Variants in OSBPL3 observed in about 807,000 individuals in gnomAD.
OSBPL3 encodes oxysterol-binding protein-related protein 3.
In OSBPL3, 65 loss-of-function variants were observed where a neutral mutation model predicts 120.1. The ratio of observed to expected loss-of-function variants is 0.54; its 90% CI spans 0.44 to 0.67. OSBPL3 has a LOEUF of 0.67. Among genes scored for constraint, OSBPL3 ranks in the 30% least tolerant of loss-of-function variants. The pLI, the probability that OSBPL3 is intolerant of heterozygous loss-of-function variation, is 0.00. For synonymous variants in OSBPL3, 416 were observed against 402.6 expected (o/e 1.03, Z -0.40); for missense variants, 1,004 against 1,082.1 (o/e 0.93, Z 1.01).
At chr7:24,945,599 G>A (rs535326268) in intron 1 of OSBPL3, among the ~76,000 whole-genome samples, 1 of 152,170 alleles carries the variant, frequency 6.6e-6, no homozygotes, top group East Asian at 1.9e-4. Flanking sequence ...GTTGAAAGTG[G>A]CACACTCTGA....
Position 24,802,411 on chromosome 7 carries a change from C to T in OSBPL3, c.2567+1904G>A, listed in dbSNP as rs963820402. Among the ~76,000 whole-genome samples, 13 of 152,178 alleles carry T rather than the reference C, an allele frequency of 8.5e-5. No individual in the cohort carries two copies. The highest frequency in any genetic ancestry group is 1.6e-4 in the Non-Finnish European group (11 of 68,030). ...CTTTCTCCAATTGAAAAAAATTTTC[C>T]CATCTAATACTATGATCATTTTACA... is the stretch of plus-strand genomic sequence containing the variant. On this transcript the variant is annotated intron_variant, in intron 22 of 22. Transcript: ENST00000313367. This position sits in a 1 kb window ranked among gnomAD's most constrained non-coding sequence, Gnocchi z 4.1.
At position 24,833,559 on chromosome 7, in the gene OSBPL3, C is replaced by T. The variant is rs537374814; in HGVS notation, c.1746+927G>A. Among the ~76,000 whole-genome samples the T allele has an allele frequency of 3.9e-5, 6 of 152,242 alleles. No individual in the cohort carries two copies. The South Asian group carries it at 1.0e-3, about 26-fold the overall frequency. On this transcript the variant is annotated intron_variant, in intron 15 of 22. Transcript: ENST00000313367. The surrounding 1 kb of genome is among the most constrained non-coding windows in gnomAD (Gnocchi z 4.4). ...AGCATCCTCTATCAATGGGGAGTGTCGGCAGGGCTAGGTCTGTGAAGCCGA... is the reference window on the plus strand; with the variant it reads ...AGCATCCTCTATCAATGGGGAGTGTTGGCAGGGCTAGGTCTGTGAAGCCGA...
chr7:24,859,039 T>C (rs1347283727), intron 10 of OSBPL3, among the ~76,000 whole-genome samples: 1 of 152,234 alleles, frequency 6.6e-6, no homozygotes, highest in Non-Finnish European at 1.5e-5. Context: ...AGGTAACTCT[T>C]GCCATTTCAC....
chr7:24,945,214 C>T (rs1406930682), intron 1 of OSBPL3, among the ~76,000 whole-genome samples: 1 of 152,134 alleles, frequency 6.6e-6, no homozygotes, highest in Non-Finnish European at 1.5e-5. Context: ...TCAATCAACC[C>T]TTCTTTTTTC....
intron 7 of OSBPL3, among the ~76,000 whole-genome samples, chr7:24,864,869 C>T (rs1477371014): frequency 6.6e-6 from 1 of 152,082 alleles, no homozygotes; most frequent in Non-Finnish European, 1.5e-5. Context: ...TACCTCAGAC[C>T]AATTTAAAGA....
chr7:24,842,148 T>C (rs1006345835), intron 13 of OSBPL3, 131 bp downstream of exon 13: 58 of 913,426 alleles, frequency 6.3e-5, no homozygotes, highest in Non-Finnish European at 1.2e-5. Context: ...ATGGGAGAAC[T>C]CTCAGAACAT....
In OSBPL3 at chr7:24,883,333, C is replaced by A. The variant is rs1804002311; in HGVS notation, c.96+9044G>T. Among the ~76,000 whole-genome samples the A allele has an allele frequency of 6.6e-6, 1 of 152,218 alleles. No individual in the cohort carries two copies. Among genetic ancestry groups the A allele is most frequent in the South Asian group, 2.1e-4 (1 of 4,826 alleles). On this transcript the variant is annotated intron_variant, in intron 2 of 22. Transcript: ENST00000313367. This position sits in a 1 kb window ranked among gnomAD's most constrained non-coding sequence, Gnocchi z 5.4. ...TTGTGCCTCTGTCCTACTTCTTGCA[C>A]TGTCACTTCTGGACCTTTAGTATTT...
rs1798913936 is a variant in OSBPL3 at position 24,849,806 on chromosome 7, T to C, written c.1159-630A>G. On this transcript the variant is annotated intron_variant, in intron 11 of 22. Coordinates refer to ENST00000313367, the MANE Select transcript of OSBPL3 (RefSeq NM_015550.4). This position sits in a 1 kb window ranked among gnomAD's most constrained non-coding sequence, Gnocchi z 5.4. The stretch of plus-strand genomic sequence containing the variant: ...CCATCTCTACCAAAAAATGCAAAAA[T>C]TAGTTGGGCATGGTGGCACACACCT... Among the ~76,000 whole-genome samples, 1 of 151,600 alleles carries C rather than the reference T, an allele frequency of 6.6e-6. No homozygotes were observed. Among genetic ancestry groups the C allele is most frequent in the Admixed American group, 6.6e-5 (1 of 15,216 alleles).
At chr7:24,909,783 C>CTTTTTTTTTTTTTTTTTTT (rs10591188) in intron 1 of OSBPL3, among the ~76,000 whole-genome samples, 12 of 77,274 alleles carry the variant, frequency 1.6e-4, no homozygotes, top group African/African-American at 2.7e-4. Context: ...TTTTTTCTTT[C>CTTTTTTTTTTTTTTTTTTT]TTTTTTTTTT....
chr7:24,866,028 C>G lies in OSBPL3; in HGVS notation c.549+42G>C, dbSNP rs753607238. ...CAAGACAGGACTCCATGAAACAAAGCCACCCCGTTCTCAGATTCATTATTG... is the reference window on the plus strand; with the variant it reads ...CAAGACAGGACTCCATGAAACAAAGGCACCCCGTTCTCAGATTCATTATTG... On this transcript the variant is annotated intron_variant, in intron 6 of 22. Coordinates refer to ENST00000313367, the MANE Select transcript of OSBPL3 (RefSeq NM_015550.4). The G allele has an allele frequency of 2.6e-6, 4 of 1,548,794 alleles. No individual in the cohort carries two copies. The East Asian group carries it at 9.0e-5, about 35-fold the overall frequency.
In OSBPL3 at chr7:24,800,144, A is replaced by C; in HGVS notation, c.*39T>G. 8.6e-7 allele frequency: 1 copy of C among 1,167,096 alleles called. No individual in the cohort carries two copies. The allele number at this position is 1,167,096 out of a possible 1,614,324, so 72.3% of individuals were successfully genotyped here. On this transcript the variant is annotated 3_prime_UTR_variant, in exon 23 of 23. Transcript: ENST00000313367. ...TTGTGCCACTTCAGAAGGCAAGCAC[A>C]GGAGAAATACACTAATGTTATCTTT...
In OSBPL3 at chr7:24,871,059, G is replaced by A. The variant is rs1802039034; in HGVS notation, c.268-214C>T. ...GTACTCTCCCCATTTTACAGATGAAGAAACTGGAGTACAAAGGGGTTAAGT... is the reference window on the plus strand; with the variant it reads ...GTACTCTCCCCATTTTACAGATGAAAAAACTGGAGTACAAAGGGGTTAAGT... On this transcript the variant is annotated intron_variant, in intron 4 of 22. Transcript: ENST00000313367. This position sits in a 1 kb window ranked among gnomAD's most constrained non-coding sequence, Gnocchi z 4.8. Among the ~76,000 whole-genome samples, 1 of 152,336 alleles carries A rather than the reference G, an allele frequency of 6.6e-6. No homozygotes were observed. The highest frequency in any genetic ancestry group is 3.4e-3 in the Middle Eastern group (1 of 294).
In OSBPL3 at chr7:24,806,303, C is replaced by G. The variant is rs1459561176; in HGVS notation, c.2444+473G>C. On this transcript the variant is annotated intron_variant, in intron 21 of 22. Transcript: ENST00000313367. This position sits in a 1 kb window ranked among gnomAD's most constrained non-coding sequence, Gnocchi z 5.2. Reference sequence around the variant, plus strand: ...GATTTTGAGTCTTAATTAGAAAGGCCTTAGGGGAGACATTCTTATTTCCAT... The same window carrying G: ...GATTTTGAGTCTTAATTAGAAAGGCGTTAGGGGAGACATTCTTATTTCCAT... 6.6e-6 allele frequency among the ~76,000 whole-genome samples: 1 copy of G among 152,122 alleles called. No individual in the cohort carries two copies. The highest frequency in any genetic ancestry group is 2.4e-5 in the African/African-American group (1 of 41,428).
chr7:24,978,187 G>C (rs1563031917), intron 1 of OSBPL3, among the ~76,000 whole-genome samples: 1 of 152,222 alleles, frequency 6.6e-6, no homozygotes, highest in African/African-American at 2.4e-5. Flanking sequence ...ACTTCTGTAA[G>C]TTTAATGCGG....
At chr7:24,838,014 C>T (rs1459476785) in intron 14 of OSBPL3, among the ~76,000 whole-genome samples, 1 of 152,208 alleles carries the variant, frequency 6.6e-6, no homozygotes, top group Admixed American at 6.5e-5. Context: ...GGTCCTAACA[C>T]AGGCAAAATG....
rs1352170500 is a variant in OSBPL3, at chr7:24,863,623, C to T, written c.674-24G>A. On this transcript the variant is annotated intron_variant, in intron 7 of 22. Coordinates refer to ENST00000313367, the MANE Select transcript of OSBPL3 (RefSeq NM_015550.4). This position sits in a 1 kb window ranked among gnomAD's most constrained non-coding sequence, Gnocchi z 5.8. The stretch of plus-strand genomic sequence containing the variant: ...GTCTGTGGGGGAAAAGAGGACAGTG[C>T]TCACAATGCTCCACTAGCAAGAGGG... 4.9e-6 allele frequency: 7 copies of T among 1,426,962 alleles called. No individual in the cohort carries two copies. Among genetic ancestry groups the T allele is most frequent in the Non-Finnish European group, 6.9e-6 (7 of 1,009,252 alleles). 88.4% of individuals were successfully genotyped at this position (1,426,962 alleles called of 1,614,324 possible).
rs1159747673 is a variant in OSBPL3 at position 24,872,833 on chromosome 7, A to C, written c.97-764T>G. 6.6e-6 allele frequency among the ~76,000 whole-genome samples: 1 copy of C among 152,140 alleles called. No individual in the cohort carries two copies. The highest frequency in any genetic ancestry group is 1.9e-4 in the East Asian group (1 of 5,190). On this transcript the variant is annotated intron_variant, in intron 2 of 22. Coordinates refer to ENST00000313367, the MANE Select transcript of OSBPL3 (RefSeq NM_015550.4). This position sits in a 1 kb window ranked among gnomAD's most constrained non-coding sequence, Gnocchi z 4.1. Reference sequence around the variant, plus strand: ...TTTAAAAGAAATAGAAGAACACTAAAAGTTCTGAAAATTTACTTTTAAATA... The same window carrying C: ...TTTAAAAGAAATAGAAGAACACTAACAGTTCTGAAAATTTACTTTTAAATA...
At chr7:24,882,643 T>C (rs1803877312) in intron 2 of OSBPL3, among the ~76,000 whole-genome samples, 1 of 152,242 alleles carries the variant, frequency 6.6e-6, no homozygotes, top group African/African-American at 2.4e-5. Context: ...TTTAGTTCTT[T>C]GGGAAATCTC....
Position 24,821,129 on chromosome 7 carries a change from GTTTC to G in OSBPL3, c.1885-895_1885-892del, listed in dbSNP as rs1046719351. 2.0e-5 allele frequency among the ~76,000 whole-genome samples: 3 copies of G among 152,208 alleles called. No homozygotes were observed. The highest frequency in any genetic ancestry group is 7.2e-5 in the African/African-American group (3 of 41,446). On this transcript the variant is annotated intron_variant, in intron 16 of 22. Coordinates refer to ENST00000313367, the MANE Select transcript of OSBPL3 (RefSeq NM_015550.4). This position sits in a 1 kb window ranked among gnomAD's most constrained non-coding sequence, Gnocchi z 5.5. ...AAACCACAGTAATGCTGCCAAGGGT[GTTTC>G]CAGAAAGTTCTCTGATGTAGCTGAT...
Sources: allele counts gnomAD v4.1 joint callset (sites outside exome capture counted in the v4.1 genomes callset), GRCh38; gene constraint gnomAD v4.1.1; non-coding constraint Gnocchi (gnomAD v3.1); transcripts MANE v1.5; gene names NCBI Gene and HGNC (gene_info 2026-07-23, HGNC 2026-07-21).